The following AGTPBP1 variants were observed in gnomAD, a reference collection of about 807,000 sequenced individuals.
AGTPBP1 encodes the protein cytosolic carboxypeptidase 1.
AGTPBP1 carries 70 observed loss-of-function variants against 143.9 expected under a neutral mutation model. The observed-to-expected ratio is 0.49, with a 90% CI of 0.40 to 0.59. The LOEUF is 0.59. AGTPBP1 is among the 20% of genes least tolerant of loss of function. The pLI, the probability that AGTPBP1 is intolerant of heterozygous loss-of-function variation, is 0.00. For synonymous variants in AGTPBP1, 463 were observed against 500.2 expected (o/e 0.93, Z 0.99); for missense variants, 1,229 against 1,464.5 (o/e 0.84, Z 2.62).
intron 17 of AGTPBP1, among the ~76,000 whole-genome samples, chr9:85,618,115 C>T (rs1245826179): frequency 6.6e-6 from 1 of 151,728 alleles, no homozygotes; most frequent in African/African-American, 2.4e-5. Flanking sequence ...TGGCACGCAC[C>T]TGTAGTGCTT....
At chr9:85,737,932 C>A (rs1823913072) in intron 1 of AGTPBP1, among the ~76,000 whole-genome samples, 1 of 152,094 alleles carries the variant, frequency 6.6e-6, no homozygotes, top group South Asian at 2.1e-4. Context: ...GTATTTCAAC[C>A]CAAACAACAT....
At chr9:85,650,825 G>A (rs994445806) in intron 11 of AGTPBP1, among the ~76,000 whole-genome samples, 30 of 152,100 alleles carry the variant, frequency 2.0e-4, no homozygotes, top group African/African-American at 7.0e-4. Flanking sequence ...TAGTTTTGTC[G>A]ACTTTTAGTA....
chr9:85,635,466 TG>T (rs777807485), intron 13 of AGTPBP1, among the ~76,000 whole-genome samples: 3 of 152,198 alleles, frequency 2.0e-5, no homozygotes, highest in Non-Finnish European at 4.4e-5. Context: ...GTAGGAAACA[TG>T]GTAGGCTAAG....
intron 13 of AGTPBP1, 61 bp downstream of exon 13, chr9:85,642,766 A>AG: frequency 2.3e-6 from 3 of 1,304,036 alleles, no homozygotes; most frequent in Non-Finnish European, 3.2e-6. Flanking sequence ...TATCGACCTA[A>AG]GGGAAAAAAA....
chr9:85,575,564 A>G (rs1827847085), intron 24 of AGTPBP1, 89 bp from the exon 25 acceptor site: 2 of 1,082,088 alleles, frequency 1.8e-6, no homozygotes, highest in Non-Finnish European at 2.5e-6. Flanking sequence ...AGAATTTATA[A>G]CTATATTAAT....
chr9:85,753,265 G>T, the AGTPBP1 span: 1 of 1,610,070 alleles, frequency 6.2e-7, no homozygotes, highest in African/African-American at 1.3e-5. Flanking sequence ...TAATGGTCAG[G>T]TGTAAAAGCA....
the AGTPBP1 span, chr9:85,793,567 G>C: frequency 2.0e-3 from 192 of 97,308 alleles, no homozygotes; most frequent in African/African-American, 4.5e-3. Flanking sequence ...AGACTTTAAG[G>C]GTAATGGAAC....
intron 11 of AGTPBP1, among the ~76,000 whole-genome samples, chr9:85,651,541 T>C (rs976831753): frequency 6.6e-6 from 1 of 152,206 alleles, no homozygotes; most frequent in African/African-American, 2.4e-5. Flanking sequence ...AGTTAACAGA[T>C]TATAATGTTT....
Position 85,681,360 on chromosome 9 carries a change from T to TC in AGTPBP1, c.158-26dup, listed in dbSNP as rs1564139203. ...TCTGAAAAGTAGCAAACAATTTTTTTCTCAAACATAAATTTTTAAAAGTAT... is the reference window on the plus strand; with the variant it reads ...TCTGAAAAGTAGCAAACAATTTTTTTCCTCAAACATAAATTTTTAAAAGTAT... On this transcript the variant is annotated intron_variant, in intron 3 of 25. Coordinates refer to ENST00000357081, the MANE Select transcript of AGTPBP1 (RefSeq NM_001330701.2). 2.5e-6 allele frequency: 4 copies of TC among 1,601,488 alleles called. No homozygotes were observed. In the South Asian group the frequency reaches 4.5e-5, roughly 18 times the overall value.
intron 6 of AGTPBP1, among the ~76,000 whole-genome samples, chr9:85,673,666 G>C (rs1180217928): frequency 6.6e-6 from 1 of 152,044 alleles, no homozygotes; most frequent in East Asian, 1.9e-4. Flanking sequence ...GTGGCAGGGT[G>C]GGTGAGGGGT....
chr9:85,637,556 A>G lies in AGTPBP1; in HGVS notation c.1303-4182T>C, dbSNP rs557715537. On this transcript the variant is annotated intron_variant, in intron 13 of 25. Coordinates refer to ENST00000357081, the MANE Select transcript of AGTPBP1 (RefSeq NM_001330701.2). ...ATATGCTCAGCAAAAGCCTGACCCTAAAAAGTAAATGCTGTATGATTCAAT... is the reference window on the plus strand; with the variant it reads ...ATATGCTCAGCAAAAGCCTGACCCTGAAAAGTAAATGCTGTATGATTCAAT... 2.0e-5 allele frequency among the ~76,000 whole-genome samples: 3 copies of G among 152,310 alleles called. No individual in the cohort carries two copies. The South Asian group carries it at 6.2e-4, about 32-fold the overall frequency.
At chr9:85,566,685 G>A (rs370413633) in intron 25 of AGTPBP1, among the ~76,000 whole-genome samples, 2 of 152,194 alleles carry the variant, frequency 1.3e-5, no homozygotes, top group South Asian at 2.1e-4. Context: ...ATATCTCCTT[G>A]GACCGGAAAA....
chr9:85,704,008 AGAC>A (rs1836830350), intron 2 of AGTPBP1, among the ~76,000 whole-genome samples: 2 of 152,242 alleles, frequency 1.3e-5, no homozygotes, highest in Non-Finnish European at 1.5e-5. Flanking sequence ...AAGTTAAATA[AGAC>A]AGAAGCAAAA....
intron 2 of AGTPBP1, among the ~76,000 whole-genome samples, chr9:85,695,681 A>G (rs1398202673): frequency 1.3e-5 from 2 of 152,330 alleles, no homozygotes; most frequent in East Asian, 3.9e-4. Flanking sequence ...GCACATTGAA[A>G]TATGATGGTT....
intron 8 of AGTPBP1, among the ~76,000 whole-genome samples, chr9:85,667,160 T>C (rs1423762888): frequency 3.3e-5 from 5 of 152,130 alleles, no homozygotes; most frequent in Admixed American, 3.3e-4. Context: ...GATACAAACA[T>C]TTTGTTTGCT....
At chr9:85,578,860 T>C (rs1247497744) in intron 24 of AGTPBP1, 60 bp downstream of exon 24, 2 of 1,533,950 alleles carry the variant, frequency 1.3e-6, no homozygotes, top group East Asian at 2.3e-5. Flanking sequence ...AACCACAAGA[T>C]ATATATGAAA....
chr9:85,559,499 G>A (rs1334726711), intron 25 of AGTPBP1, among the ~76,000 whole-genome samples: 3 of 151,524 alleles, frequency 2.0e-5, no homozygotes, highest in African/African-American at 7.3e-5. Context: ...AAATTCAAGA[G>A]GAGGTAACGA....
chr9:85,552,466 C>T (rs1369919255), intron 25 of AGTPBP1, among the ~76,000 whole-genome samples: 1 of 152,158 alleles, frequency 6.6e-6, no homozygotes, highest in Non-Finnish European at 1.5e-5. Flanking sequence ...GCTCCATGAC[C>T]TACAACAGGC....
intron 8 of AGTPBP1, among the ~76,000 whole-genome samples, chr9:85,666,427 G>A (rs1486517989): frequency 6.6e-6 from 1 of 152,048 alleles, no homozygotes; most frequent in African/African-American, 2.4e-5. Context: ...AGATGTCTGA[G>A]GTTTTTAGTT....
Sources: allele counts gnomAD v4.1 joint callset (sites outside exome capture counted in the v4.1 genomes callset), GRCh38; gene constraint gnomAD v4.1.1; transcripts MANE v1.5; gene names NCBI Gene and HGNC (gene_info 2026-07-23, HGNC 2026-07-21).